The following MEIS2 variants were observed in gnomAD, a reference collection of about 807,000 sequenced individuals.
The protein encoded by MEIS2 is Meis homeobox 2, also known as homeobox protein Meis2.
Under a neutral mutation model 58.6 loss-of-function variants are expected in MEIS2, and 9 were observed. The ratio of observed to expected loss-of-function variants is 0.15; its 90% CI spans 0.09 to 0.27. MEIS2 has a LOEUF of 0.27. Among genes scored for constraint, MEIS2 ranks in the 10% least tolerant of loss-of-function variants. The pLI, the probability that MEIS2 is intolerant of heterozygous loss-of-function variation, is 1.00. For missense variants in MEIS2, 427 were observed against 635.0 expected (o/e 0.67, Z 3.52); for synonymous variants, 221 against 228.4 (o/e 0.97, Z 0.29).
intron 8 of MEIS2, among the ~76,000 whole-genome samples, chr15:37,019,686 A>G (rs1225750349): frequency 6.6e-6 from 1 of 152,140 alleles, no homozygotes; most frequent in East Asian, 1.9e-4. Context: ...GTGGGGAGGA[A>G]GAGAGCTGCA....
chr15:36,905,517 T>C (rs1595690588), intron 9 of MEIS2, among the ~76,000 whole-genome samples: 1 of 152,066 alleles, frequency 6.6e-6, no homozygotes, highest in Non-Finnish European at 1.5e-5. Flanking sequence ...TCTAGGGGCA[T>C]GTGTGTGTGT....
chr15:36,940,483 C>T (rs548031439), intron 9 of MEIS2, among the ~76,000 whole-genome samples: 2 of 152,174 alleles, frequency 1.3e-5, no homozygotes, highest in South Asian at 2.1e-4. Context: ...ATCACTTTGT[C>T]TTTAGTGCAA....
intron 9 of MEIS2, among the ~76,000 whole-genome samples, chr15:36,914,041 C>A (rs1287248579): frequency 6.6e-6 from 1 of 152,168 alleles, no homozygotes; most frequent in Non-Finnish European, 1.5e-5. Context: ...AAGGTCAAAG[C>A]GATTGGTGGT....
At chr15:37,002,374 C>T (rs1401996585) in intron 8 of MEIS2, among the ~76,000 whole-genome samples, 8 of 152,062 alleles carry the variant, frequency 5.3e-5, no homozygotes. Context: ...CTCCAACTCC[C>T]ATAGCCCTGT....
At chr15:36,968,406 G>T (rs972852574) in intron 8 of MEIS2, among the ~76,000 whole-genome samples, 1 of 152,152 alleles carries the variant, frequency 6.6e-6, no homozygotes, top group African/African-American at 2.4e-5. Context: ...CTAATGGCAG[G>T]CAAGTTTCTT....
chr15:36,905,103 G>C (rs555714123), intron 9 of MEIS2, among the ~76,000 whole-genome samples: 2 of 152,286 alleles, frequency 1.3e-5, no homozygotes, highest in Admixed American at 1.3e-4. Flanking sequence ...CTTTGCCAGA[G>C]ATGAATTCAT....
intron 8 of MEIS2, among the ~76,000 whole-genome samples, chr15:37,005,975 A>T (rs552627698): frequency 6.6e-6 from 1 of 152,332 alleles, no homozygotes; most frequent in South Asian, 2.1e-4. Flanking sequence ...ACATCTCTCA[A>T]TGAAATGGGG....
intron 1 of MEIS2, 80 bp from the exon 2 acceptor site, chr15:37,098,279 G>A (rs920106596): frequency 1.7e-5 from 24 of 1,450,674 alleles, no homozygotes; most frequent in Non-Finnish European, 2.2e-5. Flanking sequence ...AAAAAGAGCA[G>A]GGAGAAGAGG....
chr15:36,906,285 G>A lies in MEIS2; in HGVS notation c.978-9599C>T, dbSNP rs190975441. Among the ~76,000 whole-genome samples the A allele has an allele frequency of 4.6e-3, 699 of 152,252 alleles. 4 individuals carry two copies. Among genetic ancestry groups the A allele is most frequent in the African/African-American group, 0.016 (668 of 41,548 alleles). ...TCTTTCCAAGAGCTATGTATAGGAT[G>A]AACTGAACTGATGAGAATCTAGAAG... On this transcript the variant is annotated intron_variant, in intron 9 of 11. Transcript: ENST00000561208.
chr15:36,895,493 T>C (rs980197226), intron 10 of MEIS2, among the ~76,000 whole-genome samples: 1 of 152,202 alleles, frequency 6.6e-6, no homozygotes, highest in Non-Finnish European at 1.5e-5. Context: ...GGGTTCGTCC[T>C]CTGCAGCCCT....
intron 7 of MEIS2, among the ~76,000 whole-genome samples, chr15:37,075,698 C>A (rs1891313477): frequency 6.6e-6 from 1 of 151,930 alleles, no homozygotes; most frequent in Non-Finnish European, 1.5e-5. Context: ...GACTAGGAAT[C>A]AAATAATTAC....
At chr15:37,042,371 C>A (rs1395147920) in intron 7 of MEIS2, among the ~76,000 whole-genome samples, 1 of 152,086 alleles carries the variant, frequency 6.6e-6, no homozygotes, top group Admixed American at 6.5e-5. Context: ...ACAACCAAGA[C>A]AGTCCTAGTC....
chr15:37,044,983 A>G (rs1357712244), intron 7 of MEIS2, among the ~76,000 whole-genome samples: 1 of 152,164 alleles, frequency 6.6e-6, no homozygotes, highest in Non-Finnish European at 1.5e-5. Flanking sequence ...CAGGAAAGAG[A>G]TTCCCTGGCT....
intron 7 of MEIS2, among the ~76,000 whole-genome samples, chr15:37,056,622 G>GC (rs1863073107): frequency 6.6e-6 from 1 of 152,170 alleles, no homozygotes; most frequent in Admixed American, 6.5e-5. Context: ...ACTGATTACA[G>GC]CCCCGCTCAC....
intron 9 of MEIS2, among the ~76,000 whole-genome samples, chr15:36,909,720 C>T (rs2056911485): frequency 6.6e-6 from 1 of 152,028 alleles, no homozygotes; most frequent in African/African-American, 2.4e-5. Context: ...GAAATTGGGC[C>T]TCTGGCTTTT....
intron 8 of MEIS2, among the ~76,000 whole-genome samples, chr15:37,007,889 T>C (rs2060979525): frequency 6.6e-6 from 1 of 152,186 alleles, no homozygotes; most frequent in South Asian, 2.1e-4. Flanking sequence ...CTGCAAGAGG[T>C]CTGCAGACCT....
At chr15:36,927,743 T>TAACTTAAATCTCTGAAAATAATGTC (rs2057804475) in intron 9 of MEIS2, among the ~76,000 whole-genome samples, 1 of 152,140 alleles carries the variant, frequency 6.6e-6, no homozygotes, top group Non-Finnish European at 1.5e-5. Flanking sequence ...GATGTAATGT[T>TAACTTAAATCTCTGAAAATAATGTC]AACTTAAATC....
rs116654810 is a variant in MEIS2 at position 36,941,780 on chromosome 15, C to T, written c.977+8544G>A. Among the ~76,000 whole-genome samples the T allele has an allele frequency of 3.9e-5, 6 of 152,278 alleles. No individual in the cohort carries two copies. The South Asian group carries it at 6.2e-4, about 16-fold the overall frequency. On this transcript the variant is annotated intron_variant, in intron 9 of 11. Transcript: ENST00000561208. ...ACAAGATACTCTTAGTCAAGGAAGA[C>T]CCATTCCTTCCTCAAGAATTGAGTT...
chr15:36,895,418 G>T (rs2056122700), intron 10 of MEIS2, 157 bp from the exon 11 acceptor site: 2 of 614,420 alleles, frequency 3.3e-6, no homozygotes, highest in South Asian at 2.0e-5. Context: ...TGATGACTGA[G>T]TGAAGGTGTG....
Sources: gnomAD v4.1 joint callset for allele counts (sites outside exome capture counted in the v4.1 genomes callset) on GRCh38, gnomAD v4.1.1 for gene constraint, MANE v1.5 for transcripts, NCBI Gene and HGNC (gene_info 2026-07-23, HGNC 2026-07-21) for gene names.